HDAC9: variants seen among roughly 807,000 people sequenced by gnomAD.
HDAC9 encodes the protein MEF-2 interacting transcription repressor (MITR) protein.
HDAC9 carries 41 observed loss-of-function variants against 139.4 expected under a neutral mutation model. The observed-to-expected ratio is 0.29, with a 90% CI of 0.23 to 0.38. HDAC9 has a LOEUF of 0.38. Ranked by LOEUF, HDAC9 falls within the 10% of genes least tolerant of loss-of-function variation. The probability of loss-of-function intolerance (pLI) is 1.00; values close to 1 mark genes in which losing one functional copy is unlikely to be tolerated. For missense variants in HDAC9, 1,147 were observed against 1,297.0 expected (o/e 0.88, Z 1.78); for synonymous variants, 517 against 476.2 (o/e 1.09, Z -1.12).
intron 13 of HDAC9, among the ~76,000 whole-genome samples, chr7:18,739,584 A>G (rs1787251752): frequency 6.6e-6 from 1 of 152,138 alleles, no homozygotes; most frequent in South Asian, 2.1e-4. Flanking sequence ...CCTGGGTATC[A>G]CCAGTGAAGG....
At chr7:18,146,388 T>C (rs2128114873) in intron 1 of HDAC9, among the ~76,000 whole-genome samples, 1 of 152,286 alleles carries the variant, frequency 6.6e-6, no homozygotes, top group South Asian at 2.1e-4. Context: ...GATTGAGACA[T>C]AAATTTATTT....
intron 12 of HDAC9, among the ~76,000 whole-genome samples, chr7:18,719,155 G>A (rs994852439): frequency 1.3e-5 from 2 of 151,878 alleles, no homozygotes; most frequent in African/African-American, 2.4e-5. Context: ...TGTTAGTATT[G>A]ATTATTGTGT....
intron 24 of HDAC9, among the ~76,000 whole-genome samples, chr7:18,971,289 A>G (rs887592789): frequency 3.3e-5 from 5 of 152,234 alleles, no homozygotes; most frequent in Admixed American, 6.5e-5. Flanking sequence ...AGGATAGAGG[A>G]TATGACTGAA....
chr7:18,883,269 GAGTC>G (rs917639576), intron 22 of HDAC9, among the ~76,000 whole-genome samples: 2 of 151,930 alleles, frequency 1.3e-5, no homozygotes, highest in African/African-American at 4.8e-5. Flanking sequence ...ACACACTTGA[GAGTC>G]AGAAAAAAAC....
At chr7:18,482,763 G>T (rs964997208) in intron 1 of HDAC9, among the ~76,000 whole-genome samples, 1 of 152,126 alleles carries the variant, frequency 6.6e-6, no homozygotes, top group Non-Finnish European at 1.5e-5. Context: ...TTAACAGCTA[G>T]GTGTGCCTGG....
At chr7:18,390,074 AC>A in intron 1 of HDAC9, among the ~76,000 whole-genome samples, 1 of 151,584 alleles carries the variant, frequency 6.6e-6, no homozygotes, top group Non-Finnish European at 1.5e-5. Context: ...ACACACACAC[AC>A]ACACACACAC....
chr7:18,953,230 C>A (rs1347228061), intron 23 of HDAC9, among the ~76,000 whole-genome samples: 1 of 152,012 alleles, frequency 6.6e-6, no homozygotes, highest in Non-Finnish European at 1.5e-5. Flanking sequence ...CTTAATGTTT[C>A]TAGGAAAACT....
At chr7:18,644,262 C>T (rs151226082) in intron 8 of HDAC9, among the ~76,000 whole-genome samples, 1 of 152,108 alleles carries the variant, frequency 6.6e-6, no homozygotes, top group Non-Finnish European at 1.5e-5. Flanking sequence ...AATAAAATGA[C>T]ATTAAATGAA....
At chr7:18,298,530 C>T (rs1014942709) in intron 1 of HDAC9, among the ~76,000 whole-genome samples, 7 of 152,014 alleles carry the variant, frequency 4.6e-5, no homozygotes, top group African/African-American at 1.4e-4. Flanking sequence ...TGAGAATATG[C>T]GGTGTTTGGT....
At chr7:18,508,254 G>T (rs1800398019) in intron 2 of HDAC9, among the ~76,000 whole-genome samples, 1 of 152,128 alleles carries the variant, frequency 6.6e-6, no homozygotes, top group South Asian at 2.1e-4. Context: ...TTAAGTGAAG[G>T]CTTTTGAGTC....
chr7:18,592,652 C>T (rs757730933), intron 5 of HDAC9, among the ~76,000 whole-genome samples: 32 of 151,994 alleles, frequency 2.1e-4, no homozygotes, highest in Non-Finnish European at 4.0e-4. Context: ...TAGGTATCCG[C>T]CCTTCTCTGC....
intron 1 of HDAC9, among the ~76,000 whole-genome samples, chr7:18,303,101 G>A (rs1354217340): frequency 6.6e-6 from 1 of 152,072 alleles, no homozygotes; most frequent in East Asian, 1.9e-4. Flanking sequence ...AGAAAGGGTA[G>A]AACACCAGTT....
chr7:18,543,794 G>A (rs574179717), intron 2 of HDAC9: 1 of 151,290 alleles, frequency 6.6e-6, no homozygotes, highest in South Asian at 2.1e-4. Context: ...AAAGAAGCAA[G>A]AGGGTGAACA....
chr7:18,481,463 A>G (rs1353051062), intron 1 of HDAC9, among the ~76,000 whole-genome samples: 1 of 152,206 alleles, frequency 6.6e-6, no homozygotes, highest in African/African-American at 2.4e-5. Context: ...GGTTACTCAA[A>G]TGGATATTAA....
chr7:18,646,814 A>G (rs1042923249), intron 9 of HDAC9, among the ~76,000 whole-genome samples: 4 of 152,158 alleles, frequency 2.6e-5, no homozygotes, highest in African/African-American at 9.7e-5. Flanking sequence ...GCTATTGATG[A>G]TATAATTATT....
At chr7:18,814,406 C>G (rs1794413615) in intron 17 of HDAC9, among the ~76,000 whole-genome samples, 1 of 152,074 alleles carries the variant, frequency 6.6e-6, no homozygotes, top group Non-Finnish European at 1.5e-5. Flanking sequence ...AATTTGATAT[C>G]TGCTGGTTTA....
chr7:18,357,869 A>G (rs1383271848), intron 1 of HDAC9, among the ~76,000 whole-genome samples: 1 of 152,158 alleles, frequency 6.6e-6, no homozygotes, highest in Non-Finnish European at 1.5e-5. Context: ...GCCAGGACTG[A>G]AAGATCTTTG....
chr7:18,972,866 G>A (rs937092550), intron 24 of HDAC9, among the ~76,000 whole-genome samples: 1 of 152,190 alleles, frequency 6.6e-6, no homozygotes, highest in Non-Finnish European at 1.5e-5. Flanking sequence ...TAGAAAATGT[G>A]TGTCAACTGA....
intron 21 of HDAC9, among the ~76,000 whole-genome samples, chr7:18,854,950 T>C (rs1035918083): frequency 4.6e-5 from 7 of 152,022 alleles, no homozygotes; most frequent in Non-Finnish European, 1.0e-4. Flanking sequence ...AGGGCTTGGG[T>C]TGTTATTGTT....
Sources: allele counts gnomAD v4.1 joint callset (sites outside exome capture counted in the v4.1 genomes callset), GRCh38; gene constraint gnomAD v4.1.1; transcripts MANE v1.5; gene names NCBI Gene and HGNC (gene_info 2026-07-23, HGNC 2026-07-21).